WNK2: variants seen among roughly 807,000 people sequenced by gnomAD.
WNK2 encodes WNK lysine deficient protein kinase 2.
In WNK2, 67 loss-of-function variants were observed where a neutral mutation model predicts 192.1. That is an observed-to-expected ratio of 0.35 (90% confidence interval 0.29 to 0.43). WNK2 has a LOEUF of 0.43. WNK2 is among the 20% of genes least tolerant of loss of function. The pLI is 1.00. For synonymous variants in WNK2, 1,439 were observed against 1,393.9 expected (o/e 1.03, Z -0.72); for missense variants, 2,698 against 3,089.7 (o/e 0.87, Z 3.01).
chr9:93,236,427 T>TA (rs1244531102), intron 5 of WNK2, among the ~76,000 whole-genome samples: 20 of 152,338 alleles, frequency 1.3e-4, no homozygotes, highest in East Asian at 5.8e-4. Context: ...ATTTATGCTT[T>TA]ATGTTCTCTA....
intron 26 of WNK2, among the ~76,000 whole-genome samples, chr9:93,305,832 A>G (rs925005892): frequency 6.6e-6 from 1 of 152,182 alleles, no homozygotes; most frequent in African/African-American, 2.4e-5. Context: ...GCTCCTGGCA[A>G]GGGGCCGTGG....
At chr9:93,315,020 CA>C (rs1854368432) in intron 28 of WNK2, among the ~76,000 whole-genome samples, 1 of 152,168 alleles carries the variant, frequency 6.6e-6, no homozygotes, top group Admixed American at 6.5e-5. Flanking sequence ...AAGCTGTTGC[CA>C]CAATGTGCTC....
chr9:93,286,426 A>T (rs1252883765), intron 19 of WNK2, among the ~76,000 whole-genome samples: 1 of 152,196 alleles, frequency 6.6e-6, no homozygotes, highest in Non-Finnish European at 1.5e-5. Context: ...CAATTGAATT[A>T]AGTATTATCA....
At chr9:93,310,452 T>A (rs1010949357) in intron 28 of WNK2, among the ~76,000 whole-genome samples, 117 of 134,630 alleles carry the variant, frequency 8.7e-4, no homozygotes, top group African/African-American at 1.5e-3. Flanking sequence ...CAAAAAAATA[T>A]ATATATATAT....
chr9:93,297,310 T>G (rs145548441), intron 23 of WNK2, among the ~76,000 whole-genome samples: 134 of 152,284 alleles, frequency 8.8e-4, no homozygotes, highest in Non-Finnish European at 1.4e-3. Context: ...GCATTTCACC[T>G]GCGGGGTGAT....
At chr9:93,262,183 T>C in intron 13 of WNK2, 76 bp downstream of exon 13, 1 of 1,477,720 alleles carries the variant, frequency 6.8e-7, no homozygotes, top group Non-Finnish European at 9.0e-7. Context: ...TGACCTGGGG[T>C]CTTAGTCCTA....
chr9:93,211,312 A>G (rs61569886), intron 2 of WNK2, among the ~76,000 whole-genome samples: 10 of 151,054 alleles, frequency 6.6e-5, no homozygotes, highest in East Asian at 3.9e-4. Flanking sequence ...TCATTCACTC[A>G]CTCATCCACT....
chr9:93,263,102 T>C (rs1588278710), intron 14 of WNK2, among the ~76,000 whole-genome samples: 1 of 152,236 alleles, frequency 6.6e-6, no homozygotes, highest in East Asian at 1.9e-4. Context: ...CCTCCTGGGC[T>C]GTGGACACAG....
At chr9:93,200,816 G>A (rs1429664248) in intron 2 of WNK2, among the ~76,000 whole-genome samples, 2 of 152,154 alleles carry the variant, frequency 1.3e-5, no homozygotes, top group African/African-American at 4.8e-5. Flanking sequence ...GCATGAAAGT[G>A]AATAAACTTG....
intron 21 of WNK2, among the ~76,000 whole-genome samples, chr9:93,291,565 C>T (rs1849356269): frequency 1.3e-5 from 2 of 152,126 alleles, no homozygotes; most frequent in Non-Finnish European, 2.9e-5. Context: ...ATTGGGGCTC[C>T]TTAGGAATCT....
intron 2 of WNK2, among the ~76,000 whole-genome samples, chr9:93,215,476 A>T (rs1222386329): frequency 3.3e-5 from 5 of 152,106 alleles, no homozygotes; most frequent in Non-Finnish European, 5.9e-5. Flanking sequence ...CCATTTACAC[A>T]TAGGTTGGAC....
chr9:93,214,696 T>TG, intron 2 of WNK2, among the ~76,000 whole-genome samples: 1 of 40,898 alleles, frequency 2.4e-5, no homozygotes, highest in Non-Finnish European at 4.3e-5. Flanking sequence ...TTGAAGGTAG[T>TG]GCCCCCCCCC....
At chr9:93,202,171 T>C (rs1034537165) in intron 2 of WNK2, among the ~76,000 whole-genome samples, 5 of 152,120 alleles carry the variant, frequency 3.3e-5, no homozygotes, top group African/African-American at 1.2e-4. Context: ...TGGCTCTGTG[T>C]CCAGACACCA....
chr9:93,319,368 C>G (rs1387046865), intron 29 of WNK2: 17 of 985,318 alleles, frequency 1.7e-5, no homozygotes, highest in Non-Finnish European at 2.0e-5. Context: ...GCTGGGCTGT[C>G]CCCGGCAGGG....
At chr9:93,188,985 G>A (rs1401005992) in intron 2 of WNK2, among the ~76,000 whole-genome samples, 1 of 152,154 alleles carries the variant, frequency 6.6e-6, no homozygotes, top group African/African-American at 2.4e-5. Context: ...TACCCACGTT[G>A]CTGGACCAAC....
In WNK2 at chr9:93,290,013, C is replaced by G. The variant is rs4744216; in HGVS notation, c.4902C>G (p.Ala1634=). The G allele has an allele frequency of 0.13, 203,249 of 1,577,306 alleles. 13,910 individuals are homozygous for G. Among genetic ancestry groups the G allele is most frequent in the Middle Eastern group, 0.17 (972 of 5,788 alleles). ...EKSELAPTRG[A]VMEQGTSSSM... ...CAGAACTGGCCCCCACTCGAGGGGC[C>G]GTGATGGAGCAGGGCACGTCCTCGT... The change falls in exon 21 of 30, where the codon GCC becomes GCG. Residue 1634 remains alanine, a synonymous_variant. Transcript: ENST00000427277.
chr9:93,207,316 C>A (rs147472635), intron 2 of WNK2, among the ~76,000 whole-genome samples: 8 of 152,292 alleles, frequency 5.3e-5, no homozygotes, highest in South Asian at 4.1e-4. Context: ...GTTGCAGAGC[C>A]GTGGGTTTGA....
At chr9:93,281,369 A>G (rs527941476) in intron 19 of WNK2, among the ~76,000 whole-genome samples, 11 of 62,912 alleles carry the variant, frequency 1.7e-4, no homozygotes, top group African/African-American at 3.6e-4. Flanking sequence ...ATTAGAAACT[A>G]TGCCAAAAAA....
chr9:93,230,754 C>A, intron 3 of WNK2, 134 bp from the exon 4 acceptor site: 1 of 835,420 alleles, frequency 1.2e-6, no homozygotes, highest in Non-Finnish European at 1.8e-6. Flanking sequence ...CTCACCTTCA[C>A]TACCTGTCAC....
Sources: gnomAD v4.1 joint callset for allele counts (sites outside exome capture counted in the v4.1 genomes callset) on GRCh38, gnomAD v4.1.1 for gene constraint, MANE v1.5 for transcripts, NCBI Gene and HGNC (gene_info 2026-07-23, HGNC 2026-07-21) for gene names.